The following GAS7 variants were observed in gnomAD, a reference collection of about 807,000 sequenced individuals.
GAS7 encodes the protein growth arrest specific 7, also known as growth arrest-specific protein 7.
GAS7 carries 28 observed loss-of-function variants against 71.1 expected under a neutral mutation model. That is an observed-to-expected ratio of 0.39 (90% CI 0.29 to 0.54). GAS7 has a LOEUF of 0.54. Ranked by LOEUF, GAS7 falls within the 20% of genes least tolerant of loss-of-function variation. The pLI is 0.62. For missense variants in GAS7, 436 were observed against 627.8 expected, an observed-to-expected ratio of 0.69 and a Z score of 3.27; for synonymous variants, 258 against 245.8, an observed-to-expected ratio of 1.05 and a Z score of -0.46.
At chr17:9,941,362 C>T (rs1378651063) in intron 7 of GAS7, among the ~76,000 whole-genome samples, 1 of 152,158 alleles carries the variant, frequency 6.6e-6, no homozygotes, top group East Asian at 1.9e-4. Context: ...TCCTCAATGC[C>T]GACAGCATGC....
chr17:10,014,581 T>A (rs2071915089), intron 2 of GAS7, among the ~76,000 whole-genome samples: 1 of 152,174 alleles, frequency 6.6e-6, no homozygotes, highest in Non-Finnish European at 1.5e-5. Context: ...TTACTCATGC[T>A]GTAACCTTGG....
In GAS7 at chr17:10,013,815, G is replaced by A. The variant is rs561561963; in HGVS notation, c.304+5962C>T. On this transcript the variant is annotated intron_variant, in intron 2 of 13. Transcript: ENST00000432992. ...GCCTTTGATGACATTACCTTCTCCT[G>A]GATTCCTTGTATCTCTGACAATTCC... is the stretch of plus-strand genomic sequence containing the variant. Among the ~76,000 whole-genome samples, 69 of 152,216 alleles carry A rather than the reference G, an allele frequency of 4.5e-4. 3 individuals are homozygous for A. The South Asian group carries it at 0.014, about 32-fold the overall frequency.
intron 9 of GAS7, among the ~76,000 whole-genome samples, chr17:9,932,724 G>A (rs1471311772): frequency 6.6e-6 from 1 of 152,156 alleles, no homozygotes; most frequent in Non-Finnish European, 1.5e-5. Context: ...GGTGGAGATA[G>A]TCAGAGGGCT....
intron 1 of GAS7, among the ~76,000 whole-genome samples, chr17:10,164,966 T>C (rs970466327): frequency 4.0e-5 from 6 of 148,944 alleles, no homozygotes; most frequent in African/African-American, 2.5e-5. Flanking sequence ...CTGGCCAACA[T>C]GGTGAAACCT....
chr17:9,983,447 C>T (rs904100821), intron 2 of GAS7, among the ~76,000 whole-genome samples: 5 of 151,948 alleles, frequency 3.3e-5, no homozygotes, highest in Admixed American at 1.3e-4. Flanking sequence ...GCCATGATGG[C>T]GCCACTACAC....
rs2067585295 is a variant in GAS7, at chr17:9,916,464, C to A, written c.*764G>T. The A allele has an allele frequency of 8.5e-6, 2 of 233,988 alleles. No homozygotes were observed. The allele number at this position is 233,988 out of a possible 1,614,324, so 14.5% of individuals were successfully genotyped here. On this transcript the variant is annotated 3_prime_UTR_variant, in exon 14 of 14. Coordinates refer to ENST00000432992, the MANE Select transcript of GAS7 (RefSeq NM_201433.2). ...CTGGGAAGGGCTGGCAGGGTGGGGG[C>A]AGGGGCCTCCCCGAGGAAGCAGCTG...
chr17:10,160,491 G>A (rs1414750223), intron 1 of GAS7, among the ~76,000 whole-genome samples: 1 of 152,096 alleles, frequency 6.6e-6, no homozygotes, highest in Non-Finnish European at 1.5e-5. Flanking sequence ...AAGCTTAAGA[G>A]ACTTGCCCAG....
intron 4 of GAS7, among the ~76,000 whole-genome samples, chr17:9,964,257 T>C (rs1459204903): frequency 1.3e-5 from 2 of 152,072 alleles, no homozygotes; most frequent in Non-Finnish European, 1.5e-5. Context: ...GAGTGGGTCA[T>C]TCACAAGTGA....
chr17:10,012,042 A>C (rs1232696896), intron 2 of GAS7, among the ~76,000 whole-genome samples: 1 of 152,150 alleles, frequency 6.6e-6, no homozygotes, highest in Non-Finnish European at 1.5e-5. Flanking sequence ...AGAATGGCAC[A>C]GATAAAACTA....
chr17:10,106,633 C>A (rs1421646363), intron 1 of GAS7, among the ~76,000 whole-genome samples: 1 of 152,182 alleles, frequency 6.6e-6, no homozygotes, highest in Non-Finnish European at 1.5e-5. Context: ...CCCACACACC[C>A]TTCCCAGCCT....
At position 10,118,676 on chromosome 17, in the gene GAS7, C is replaced by T. The variant is rs188141698; in HGVS notation, c.183+79532G>A. On this transcript the variant is annotated intron_variant, in intron 1 of 13. Transcript: ENST00000432992. ...CTGAGATTGCGCCATTGCACTCCAGCCTGGGGGACAGAGTGAGACTCTGTC... is the reference window on the plus strand; with the variant it reads ...CTGAGATTGCGCCATTGCACTCCAGTCTGGGGGACAGAGTGAGACTCTGTC... Among the ~76,000 whole-genome samples the T allele has an allele frequency of 9.1e-5, 12 of 132,564 alleles. No individual in the cohort carries two copies. The East Asian group carries it at 3.0e-3, about 34-fold the overall frequency. 87.0% of individuals were successfully genotyped at this position (132,564 alleles called of 152,430 possible). A position where few individuals can be genotyped will look rare whatever the true frequency, so the allele number is the denominator to read the frequency against.
chr17:10,021,634 T>A (rs1179632047), intron 1 of GAS7, among the ~76,000 whole-genome samples: 2 of 152,138 alleles, frequency 1.3e-5, no homozygotes, highest in African/African-American at 4.8e-5. Flanking sequence ...CAGGAGACAG[T>A]GAGGTGGACA....
intron 2 of GAS7, among the ~76,000 whole-genome samples, chr17:10,016,999 C>T (rs1293058944): frequency 2.7e-5 from 4 of 149,398 alleles, no homozygotes; most frequent in African/African-American, 9.8e-5. Flanking sequence ...GGCGTGATGA[C>T]ACATGCCTGC....
intron 2 of GAS7, among the ~76,000 whole-genome samples, chr17:9,996,741 C>T (rs922405888): frequency 4.6e-5 from 7 of 151,804 alleles, no homozygotes; most frequent in African/African-American, 9.7e-5. Flanking sequence ...CAGGTTCAAG[C>T]GATTCTCCTG....
At chr17:9,978,913 G>C (rs1385517473) in intron 3 of GAS7, among the ~76,000 whole-genome samples, 2 of 152,102 alleles carry the variant, frequency 1.3e-5, no homozygotes, top group Non-Finnish European at 2.9e-5. Context: ...TAAACATTTA[G>C]GGCCAGGTGA....
chr17:10,184,265 C>T (rs982771581), intron 1 of GAS7, among the ~76,000 whole-genome samples: 3 of 152,160 alleles, frequency 2.0e-5, no homozygotes, highest in Non-Finnish European at 4.4e-5. Context: ...CTTAGCCAGG[C>T]TCCTGGCATT....
intron 2 of GAS7, among the ~76,000 whole-genome samples, chr17:10,001,146 C>T (rs1331824794): frequency 1.3e-5 from 2 of 152,036 alleles, no homozygotes; most frequent in African/African-American, 2.4e-5. Context: ...CAAAATACAA[C>T]TAGAAGATTC....
intron 1 of GAS7, among the ~76,000 whole-genome samples, chr17:10,046,808 G>A (rs1160276112): frequency 1.0e-5 from 1 of 98,700 alleles, no homozygotes; most frequent in Non-Finnish European, 2.0e-5. Flanking sequence ...AAGGAAGGAA[G>A]GAAGGAAGGA....
intron 9 of GAS7, among the ~76,000 whole-genome samples, chr17:9,930,023 T>C (rs1041201230): frequency 7.2e-5 from 11 of 152,198 alleles, no homozygotes; most frequent in African/African-American, 2.7e-4. Context: ...TCCAAGTTGG[T>C]AGGAATTTCA....
Sources: gnomAD v4.1 joint callset for allele counts (sites outside exome capture counted in the v4.1 genomes callset) on GRCh38, gnomAD v4.1.1 for gene constraint, MANE v1.5 for transcripts, NCBI Gene and HGNC (gene_info 2026-07-23, HGNC 2026-07-21) for gene names.